IPPK: variants seen among roughly 807,000 people sequenced by gnomAD.
IPPK encodes the protein IPK1 homolog.
IPPK carries 22 observed loss-of-function variants against 64.6 expected under a neutral mutation model. The observed-to-expected ratio is 0.34, with a 90% CI of 0.24 to 0.49. IPPK has a LOEUF of 0.49. IPPK is among the 20% of genes least tolerant of loss of function. The pLI is 0.99. For missense variants in IPPK, 532 were observed against 630.7 expected, an observed-to-expected ratio of 0.84 and a Z score of 1.68; for synonymous variants, 262 against 247.2, an observed-to-expected ratio of 1.06 and a Z score of -0.56.
intron 10 of IPPK, 65 bp from the exon 11 acceptor site, chr9:92,634,553 T>C: frequency 1.8e-6 from 2 of 1,137,606 alleles, no homozygotes; most frequent in Non-Finnish European, 2.7e-6. Flanking sequence ...CTTAAACTGC[T>C]AACAGTCTAC....
chr9:92,635,374 G>C lies in IPPK; in HGVS notation c.917-66C>G, dbSNP rs950371285. 20 of 1,540,528 alleles carry C rather than the reference G, an allele frequency of 1.3e-5. No homozygotes were observed. The highest frequency in any genetic ancestry group is 1.8e-5 in the Non-Finnish European group (20 of 1,133,358). On this transcript the variant is annotated intron_variant, in intron 9 of 12. Transcript: ENST00000287996. This position sits in a 1 kb window ranked among gnomAD's most constrained non-coding sequence, Gnocchi z 4.4. ...TCAAAGAACGTGGAGGGAGACACAG[G>C]CCGGCGCAGACCGCAGGGCTCATCC...
At chr9:92,628,856 G>A (rs926524815) in intron 11 of IPPK, among the ~76,000 whole-genome samples, 3 of 152,018 alleles carry the variant, frequency 2.0e-5, no homozygotes, top group African/African-American at 7.3e-5. Flanking sequence ...CTCCATCCTG[G>A]GTGACAGAGT....
chr9:92,653,003 G>A (rs1852299113), intron 3 of IPPK, among the ~76,000 whole-genome samples: 1 of 152,128 alleles, frequency 6.6e-6, no homozygotes. Flanking sequence ...TGGACCCAGA[G>A]CAGTTCTTAG....
At chr9:92,668,744 G>A (rs1852658129) in intron 1 of IPPK, among the ~76,000 whole-genome samples, 1 of 152,210 alleles carries the variant, frequency 6.6e-6, no homozygotes, top group Non-Finnish European at 1.5e-5. Context: ...TTCACCTAAA[G>A]ATCTTGAGCA....
In IPPK at chr9:92,661,612, T is replaced by C. The variant is rs757903551; in HGVS notation, c.82-2931A>G. Among the ~76,000 whole-genome samples the C allele has an allele frequency of 5.3e-5, 8 of 152,316 alleles. No homozygotes were observed. In the Middle Eastern group the frequency reaches 0.01, roughly 194 times the overall value. ...GGAAATCTCCTGCTATCCCTTCCCA[T>C]TATGGAGCCCAAGAGCCACAACCAA... On this transcript the variant is annotated intron_variant, in intron 1 of 12. Coordinates refer to ENST00000287996, the MANE Select transcript of IPPK (RefSeq NM_022755.6).
Position 92,615,535 on chromosome 9 carries a change from C to A in IPPK, c.*297G>T. 1 of 343,026 alleles carries A rather than the reference C, an allele frequency of 2.9e-6. No homozygotes were observed. Among genetic ancestry groups the A allele is most frequent in the Non-Finnish European group, 5.4e-6 (1 of 184,578 alleles). The allele number at this position is 343,026 out of a possible 1,614,324, so 21.2% of individuals were successfully genotyped here. ...AGGCTTTTCGCATTAGAGAATCAGA[C>A]ATGAGCCCTGGTTGGGAAAGAAGAA... On this transcript the variant is annotated 3_prime_UTR_variant, in exon 13 of 13. Transcript: ENST00000287996.
rs1354272520 is a variant in IPPK at position 92,613,562 on chromosome 9, A to G, written c.*2270T>C. 4.9e-5 allele frequency: 10 copies of G among 202,120 alleles called. No individual in the cohort carries two copies. The highest frequency in any genetic ancestry group is 4.1e-5 in the Non-Finnish European group (4 of 97,618). 12.5% of individuals were successfully genotyped at this position (202,120 alleles called of 1,614,324 possible). A position where few individuals can be genotyped will look rare whatever the true frequency, so the allele number is the denominator to read the frequency against. On this transcript the variant is annotated 3_prime_UTR_variant, in exon 13 of 13. Coordinates refer to ENST00000287996, the MANE Select transcript of IPPK (RefSeq NM_022755.6). ...CTGGGGGCTCTGGAGACGGATGCCT[A>G]TGGCGCCTCATCTTTAAACTGTCCT...
intron 11 of IPPK, among the ~76,000 whole-genome samples, chr9:92,633,428 C>T (rs995882661): frequency 1.3e-5 from 2 of 151,886 alleles, no homozygotes; most frequent in Admixed American, 6.6e-5. Context: ...GGCTGGAGCA[C>T]AGCGGTATGA....
chr9:92,622,864 T>C (rs1851668451), intron 11 of IPPK, among the ~76,000 whole-genome samples: 1 of 152,172 alleles, frequency 6.6e-6, no homozygotes, highest in South Asian at 2.1e-4. Flanking sequence ...TTGTCAGATA[T>C]CAAAGCTTGT....
At chr9:92,647,338 CAAG>C (rs1259451891) in intron 6 of IPPK, among the ~76,000 whole-genome samples, 1 of 152,142 alleles carries the variant, frequency 6.6e-6, no homozygotes, top group African/African-American at 2.4e-5. Context: ...CCAAACATTT[CAAG>C]AAGAATCAAT....
At position 92,658,672 on chromosome 9, in the gene IPPK, C is replaced by T. The variant is rs891568651; in HGVS notation, c.91G>A (p.Val31Met). The T allele has an allele frequency of 1.5e-5, 25 of 1,613,882 alleles. No homozygotes were observed. The highest frequency in any genetic ancestry group is 1.9e-5 in the Non-Finnish European group (23 of 1,179,904). The stretch of plus-strand genomic sequence containing the variant: ...GGAGGAAACTTCAGAAACCGCAGCA[C>T]GACGCAGCGCTGTTGGAAAATAAAA... ...LVVAHAQRCVVLRFLKFPPNR... is the reference protein window; with the variant it reads ...LVVAHAQRCVMLRFLKFPPNR... Residue 31 changes from valine to methionine, a missense_variant, in exon 2 of 13, where the codon GTG becomes ATG. Coordinates refer to ENST00000287996, the MANE Select transcript of IPPK (RefSeq NM_022755.6).
At chr9:92,653,634 A>T (rs1852313064) in intron 3 of IPPK, among the ~76,000 whole-genome samples, 1 of 152,140 alleles carries the variant, frequency 6.6e-6, no homozygotes. Context: ...GGTGGATCAC[A>T]AGGTCAGGAT....
chr9:92,633,482 T>A (rs1246174467), intron 11 of IPPK, among the ~76,000 whole-genome samples: 1 of 152,198 alleles, frequency 6.6e-6, no homozygotes, highest in African/African-American at 2.4e-5. Flanking sequence ...TACCTCAGCT[T>A]CCCAAGTGGC....
At chr9:92,616,356 AG>A (rs1352908202) in intron 12 of IPPK, 1 of 292,600 alleles carries the variant, frequency 3.4e-6, no homozygotes, top group East Asian at 7.2e-5. Flanking sequence ...CAGGCGAGAG[AG>A]GGTTAAAGGA....
At chr9:92,657,705 T>C (rs1852401183) in intron 2 of IPPK, among the ~76,000 whole-genome samples, 1 of 152,170 alleles carries the variant, frequency 6.6e-6, no homozygotes, top group Admixed American at 6.5e-5. Context: ...CAGTGGGGCC[T>C]TCCTATCCTC....
Position 92,658,494 on chromosome 9 carries a change from T to C in IPPK, c.129+140A>G, listed in dbSNP as rs992734962. On this transcript the variant is annotated intron_variant, in intron 2 of 12. Transcript: ENST00000287996. ...CCAGTCAGTTTTATATCAGGAATGA[T>C]GGACACACCACTTTCTGCACTGAAT... The C allele has an allele frequency of 1.6e-5, 12 of 745,022 alleles. No homozygotes were observed. In the African/African-American group the frequency reaches 1.9e-4, roughly 12 times the overall value. 46.2% of individuals were successfully genotyped at this position (745,022 alleles called of 1,614,324 possible). A position where few individuals can be genotyped will look rare whatever the true frequency, so the allele number is the denominator to read the frequency against.
At chr9:92,652,521 C>A in intron 4 of IPPK, 52 bp downstream of exon 4, 1 of 923,374 alleles carries the variant, frequency 1.1e-6, no homozygotes. Flanking sequence ...AAACACTTTT[C>A]AAATGGAATA....
chr9:92,645,960 T>C (rs961216559), intron 6 of IPPK, among the ~76,000 whole-genome samples: 2 of 151,762 alleles, frequency 1.3e-5, no homozygotes, highest in Non-Finnish European at 2.9e-5. Context: ...TAGGCAAATA[T>C]AAAAGAAGGT....
chr9:92,657,055 CA>C (rs955789929), intron 2 of IPPK, among the ~76,000 whole-genome samples: 2 of 151,746 alleles, frequency 1.3e-5, no homozygotes, highest in Non-Finnish European at 2.9e-5. Flanking sequence ...CAGCTTCTGA[CA>C]AAAAAAACCC....
Sources: allele counts gnomAD v4.1 joint callset (sites outside exome capture counted in the v4.1 genomes callset), GRCh38; gene constraint gnomAD v4.1.1; non-coding constraint Gnocchi (gnomAD v3.1); transcripts MANE v1.5; gene names NCBI Gene and HGNC (gene_info 2026-07-23, HGNC 2026-07-21).